PALS1: variants seen among roughly 807,000 people sequenced by gnomAD.
PALS1 encodes the protein protein associated with LIN7 1, MAGUK p55 family member, also known as protein PALS1.
Under a neutral mutation model 78.9 loss-of-function variants are expected in PALS1, and 31 were observed. The ratio of observed to expected loss-of-function variants is 0.39; its 90% CI spans 0.30 to 0.53. The LOEUF is 0.53. PALS1 is among the 20% of genes least tolerant of loss of function. The pLI, the probability that PALS1 is intolerant of heterozygous loss-of-function variation, is 0.67. For synonymous variants in PALS1, 276 were observed against 270.9 expected (o/e 1.02, Z -0.18); for missense variants, 704 against 826.5 (o/e 0.85, Z 1.82).
chr14:67,331,390 G>C (rs974703073), intron 14 of PALS1, among the ~76,000 whole-genome samples: 1 of 151,998 alleles, frequency 6.6e-6, no homozygotes, highest in Non-Finnish European at 1.5e-5. Flanking sequence ...TAGAAGTGCT[G>C]AAGTAAAACA....
chr14:67,311,859 T>G (rs1215687672), intron 8 of PALS1: 1 of 152,382 alleles, frequency 6.6e-6, no homozygotes, highest in African/African-American at 2.4e-5. Flanking sequence ...TTAGTTAATT[T>G]TAGTCGTTGA....
chr14:67,318,831 G>A (rs2085217789), intron 11 of PALS1, among the ~76,000 whole-genome samples: 1 of 152,106 alleles, frequency 6.6e-6, no homozygotes, highest in African/African-American at 2.4e-5. Context: ...GCCGAGGCAG[G>A]CGGATCACGA....
chr14:67,279,694 A>G (rs1316229651), intron 3 of PALS1, 157 bp downstream of exon 3: 5 of 640,438 alleles, frequency 7.8e-6, no homozygotes, highest in South Asian at 7.3e-5. Context: ...CCGTATAACT[A>G]TTGTTTACTG....
intron 4 of PALS1, among the ~76,000 whole-genome samples, chr14:67,293,988 G>A (rs1206192145): frequency 1.3e-5 from 2 of 152,116 alleles, no homozygotes; most frequent in Non-Finnish European, 2.9e-5. Context: ...AAACAACTTA[G>A]CTTAAAGGGT....
intron 1 of PALS1, among the ~76,000 whole-genome samples, chr14:67,268,455 A>G (rs1358026018): frequency 6.6e-6 from 1 of 152,218 alleles, no homozygotes. Flanking sequence ...GGAATGAAAG[A>G]ATGGCTACTC....
In PALS1 at chr14:67,333,566, A is replaced by G. The variant is rs751518133; in HGVS notation, c.*610A>G. On this transcript the variant is annotated 3_prime_UTR_variant, in exon 15 of 15. Coordinates refer to ENST00000261681, the MANE Select transcript of PALS1 (RefSeq NM_022474.4). ...CTTTTGATTCTTAAAAAAACAAAAA[A>G]CATTCCATTAGAAGCACCAGTTTTT... 6.6e-6 allele frequency: 1 copy of G among 152,628 alleles called. No individual in the cohort carries two copies. Among genetic ancestry groups the G allele is most frequent in the Admixed American group, 6.5e-5 (1 of 15,278 alleles). 9.5% of individuals were successfully genotyped at this position (152,628 alleles called of 1,614,324 possible).
chr14:67,295,500 A>C (rs1468642027), intron 4 of PALS1, among the ~76,000 whole-genome samples: 3 of 151,928 alleles, frequency 2.0e-5, no homozygotes, highest in East Asian at 3.9e-4. Context: ...AAAAAAAAAA[A>C]AACTCTTGGA....
intron 4 of PALS1, among the ~76,000 whole-genome samples, chr14:67,293,832 G>A (rs1463102890): frequency 3.9e-5 from 6 of 152,164 alleles, no homozygotes; most frequent in Non-Finnish European, 8.8e-5. Context: ...TTAGGAGGAA[G>A]GTTTGTCCAG....
At chr14:67,267,392 G>C (rs993289936) in intron 1 of PALS1, among the ~76,000 whole-genome samples, 2 of 151,942 alleles carry the variant, frequency 1.3e-5, no homozygotes, top group African/African-American at 4.8e-5. Flanking sequence ...CCAAGTAGCT[G>C]GGATTACAGG....
chr14:67,302,407 T>C lies in PALS1; in HGVS notation c.802-3T>C. The C allele has an allele frequency of 6.5e-7, 1 of 1,536,004 alleles. No homozygotes were observed. Among genetic ancestry groups the C allele is most frequent in the Admixed American group, 1.9e-5 (1 of 53,062 alleles). Reference sequence around the variant, plus strand: ...TTTAAATTATACATATATATATTTTTAGGGTGCTACAGTTCGTAATGAAAT... The same window carrying C: ...TTTAAATTATACATATATATATTTTCAGGGTGCTACAGTTCGTAATGAAAT... On this transcript the variant is annotated splice_region_variant and splice_polypyrimidine_tract_variant and intron_variant, in intron 6 of 14. Transcript: ENST00000261681.
At chr14:67,325,969 C>T (rs1195523069) in intron 14 of PALS1, among the ~76,000 whole-genome samples, 3 of 145,976 alleles carry the variant, frequency 2.1e-5, no homozygotes, top group South Asian at 2.2e-4. Flanking sequence ...CCACCACACC[C>T]GGCTCTTTTC....
chr14:67,276,485 C>T (rs2084508293), intron 2 of PALS1, among the ~76,000 whole-genome samples: 1 of 151,980 alleles, frequency 6.6e-6, no homozygotes, highest in Non-Finnish European at 1.5e-5. Flanking sequence ...TACCACAGAC[C>T]AAGTTTTATA....
chr14:67,250,278 A>G (rs1330553480), intron 1 of PALS1, among the ~76,000 whole-genome samples: 2 of 152,170 alleles, frequency 1.3e-5, no homozygotes, highest in Admixed American at 1.3e-4. Flanking sequence ...TGCATTAACA[A>G]TTTATTCTTT....
At chr14:67,308,920 A>T (rs192934517) in intron 8 of PALS1, among the ~76,000 whole-genome samples, 1 of 152,188 alleles carries the variant, frequency 6.6e-6, no homozygotes, top group Admixed American at 6.5e-5. Flanking sequence ...CCTAAAAAAC[A>T]TGTAAATAAA....
intron 9 of PALS1, among the ~76,000 whole-genome samples, chr14:67,313,924 A>T (rs1270671184): frequency 6.6e-6 from 1 of 152,094 alleles, no homozygotes; most frequent in African/African-American, 2.4e-5. Flanking sequence ...ATATATGTTA[A>T]ATTAATGAAT....
intron 14 of PALS1, 132 bp from the exon 15 acceptor site, chr14:67,332,648 G>T (rs986597870): frequency 2.4e-6 from 2 of 850,164 alleles, no homozygotes; most frequent in Non-Finnish European, 1.8e-6. Context: ...GGTTGGAAAG[G>T]AGCTCCTGAG....
At chr14:67,318,789 G>A (rs770886391) in intron 11 of PALS1, among the ~76,000 whole-genome samples, 6 of 152,168 alleles carry the variant, frequency 3.9e-5, no homozygotes, top group Non-Finnish European at 7.4e-5. Context: ...CGGGCGCGGT[G>A]GGTCATGCCT....
At position 67,292,388 on chromosome 14, in the gene PALS1, G is replaced by A. The variant is rs901907588; in HGVS notation, c.368-123G>A. On this transcript the variant is annotated intron_variant, in intron 3 of 14. Coordinates refer to ENST00000261681, the MANE Select transcript of PALS1 (RefSeq NM_022474.4). ...ATGACCATGATTGACAATAATATATGCAGATTTTGGTATTTTTCTGAAAAC... is the reference window on the plus strand; with the variant it reads ...ATGACCATGATTGACAATAATATATACAGATTTTGGTATTTTTCTGAAAAC... The A allele has an allele frequency of 2.6e-5, 16 of 625,028 alleles. No individual in the cohort carries two copies. The African/African-American group carries it at 2.8e-4, about 11-fold the overall frequency. 38.7% of individuals were successfully genotyped at this position (625,028 alleles called of 1,614,324 possible).
intron 1 of PALS1, among the ~76,000 whole-genome samples, chr14:67,266,247 A>T (rs9743983): frequency 0.22 from 32,767 of 152,114 alleles, 5,398 homozygotes; most frequent in East Asian, 0.49. Flanking sequence ...TAGTTAGATC[A>T]TGGGGACTTT....
Sources: gnomAD v4.1 joint callset for allele counts (sites outside exome capture counted in the v4.1 genomes callset) on GRCh38, gnomAD v4.1.1 for gene constraint, MANE v1.5 for transcripts, NCBI Gene and HGNC (gene_info 2026-07-23, HGNC 2026-07-21) for gene names.